MACROD2: variants seen among roughly 807,000 people sequenced by gnomAD.
MACROD2 encodes mono-ADP ribosylhydrolase 2.
In MACROD2, 36 loss-of-function variants were observed where a neutral mutation model predicts 70.4. The ratio of observed to expected loss-of-function variants is 0.51; its 90% CI spans 0.39 to 0.68. The LOEUF (loss-of-function observed/expected upper bound fraction) is 0.68, where lower values mean the gene tolerates loss of function less well. MACROD2 is among the 30% of genes least tolerant of loss of function. MACROD2 has a pLI of 0.00. For synonymous variants in MACROD2, 172 were observed against 178.8 expected, an observed-to-expected ratio of 0.96 and a Z score of 0.30; for missense variants, 496 against 538.4, an observed-to-expected ratio of 0.92 and a Z score of 0.78.
At chr20:14,820,543 A>G (rs2122206406) in intron 5 of MACROD2, among the ~76,000 whole-genome samples, 1 of 151,946 alleles carries the variant, frequency 6.6e-6, no homozygotes, top group Non-Finnish European at 1.5e-5. Context: ...CAATTTCATC[A>G]CCAGTGTAAT....
At chr20:14,777,700 A>C (rs370116996) in intron 5 of MACROD2, among the ~76,000 whole-genome samples, 1 of 152,098 alleles carries the variant, frequency 6.6e-6, no homozygotes, top group African/African-American at 2.4e-5. Flanking sequence ...CATGAAATTT[A>C]GTAATATGCT....
intron 2 of MACROD2, among the ~76,000 whole-genome samples, chr20:14,066,871 G>A (rs375328520): frequency 2.7e-5 from 4 of 148,372 alleles, no homozygotes; most frequent in African/African-American, 1.0e-4. Context: ...GAGAGCAGTG[G>A]CGCCGTCTTG....
At chr20:14,807,387 T>C (rs2072652721) in intron 5 of MACROD2, among the ~76,000 whole-genome samples, 1 of 151,886 alleles carries the variant, frequency 6.6e-6, no homozygotes, top group African/African-American at 2.4e-5. Flanking sequence ...CAGAAAGCAA[T>C]ATCATCAACA....
intron 13 of MACROD2, among the ~76,000 whole-genome samples, chr20:15,978,444 T>A (rs1312181086): frequency 6.6e-6 from 1 of 152,200 alleles, no homozygotes; most frequent in African/African-American, 2.4e-5. Context: ...CGAGATGATA[T>A]GTGGTAAAGT....
intron 3 of MACROD2, among the ~76,000 whole-genome samples, chr20:14,184,507 TG>T (rs981179984): frequency 9.2e-5 from 14 of 151,932 alleles, no homozygotes; most frequent in African/African-American, 2.7e-4. Flanking sequence ...GTAGGCTATT[TG>T]GTTTTTTTTT....
At chr20:14,127,492 C>T in intron 3 of MACROD2, 1 of 491,462 alleles carries the variant, frequency 2.0e-6, no homozygotes, top group Non-Finnish European at 3.7e-6. Flanking sequence ...TGGGTCAAAT[C>T]ATTGAATATC....
At chr20:14,199,258 ACGT>A (rs532200740) in intron 3 of MACROD2, among the ~76,000 whole-genome samples, 31 of 152,344 alleles carry the variant, frequency 2.0e-4, no homozygotes, top group East Asian at 1.7e-3. Context: ...TCTTTGTTGT[ACGT>A]CGGTGAGTGA....
intron 3 of MACROD2, among the ~76,000 whole-genome samples, chr20:14,151,745 T>C (rs1224882702): frequency 2.0e-5 from 3 of 151,994 alleles, no homozygotes; most frequent in African/African-American, 7.2e-5. Context: ...AAATTAACTA[T>C]TTTGAATAAT....
At chr20:14,447,387 G>T (rs2084194583) in intron 3 of MACROD2, among the ~76,000 whole-genome samples, 1 of 152,146 alleles carries the variant, frequency 6.6e-6, no homozygotes, top group Non-Finnish European at 1.5e-5. Flanking sequence ...CAAAAGTCAG[G>T]TTTTTCGAGA....
intron 7 of MACROD2, among the ~76,000 whole-genome samples, chr20:15,437,270 C>T (rs1185994081): frequency 6.6e-6 from 1 of 152,042 alleles, no homozygotes; most frequent in Non-Finnish European, 1.5e-5. Flanking sequence ...TTCTTGGTAC[C>T]CATTCATCAT....
chr20:15,180,157 C>T (rs968567999), intron 5 of MACROD2, among the ~76,000 whole-genome samples: 2 of 152,186 alleles, frequency 1.3e-5, no homozygotes. Context: ...TTTGAAGGCC[C>T]TATCTCCATA....
At chr20:14,525,603 C>T (rs556414923) in intron 4 of MACROD2, among the ~76,000 whole-genome samples, 1 of 152,306 alleles carries the variant, frequency 6.6e-6, no homozygotes, top group Non-Finnish European at 1.5e-5. Flanking sequence ...TTTACAATGC[C>T]ATGTGGCCAC....
chr20:16,038,787 A>C (rs2067269341), intron 15 of MACROD2, among the ~76,000 whole-genome samples: 2 of 151,978 alleles, frequency 1.3e-5, no homozygotes, highest in Non-Finnish European at 2.9e-5. Context: ...AATTCTGGAC[A>C]CTGTTTGAAA....
chr20:15,825,000 A>G (rs1016960552), intron 8 of MACROD2, among the ~76,000 whole-genome samples: 1 of 152,172 alleles, frequency 6.6e-6, no homozygotes, highest in African/African-American at 2.4e-5. Flanking sequence ...TATGAGTTGG[A>G]AGTGTGACTT....
chr20:14,611,887 A>G (rs1410334512), intron 4 of MACROD2, among the ~76,000 whole-genome samples: 1 of 152,164 alleles, frequency 6.6e-6, no homozygotes, highest in Non-Finnish European at 1.5e-5. Flanking sequence ...ACCTTTTAAA[A>G]TGTATGGTTT....
chr20:14,760,169 A>C (rs1600635328), intron 5 of MACROD2, among the ~76,000 whole-genome samples: 1 of 152,020 alleles, frequency 6.6e-6, no homozygotes, highest in Non-Finnish European at 1.5e-5. Context: ...AGATGAAGGG[A>C]TATGGATCAC....
intron 3 of MACROD2, among the ~76,000 whole-genome samples, chr20:14,405,385 C>A (rs2083681078): frequency 6.6e-6 from 1 of 152,072 alleles, no homozygotes; most frequent in Non-Finnish European, 1.5e-5. Flanking sequence ...GAATAATTTT[C>A]TTCTTTAGTG....
intron 5 of MACROD2, among the ~76,000 whole-genome samples, chr20:14,995,219 T>A (rs1252117112): frequency 6.6e-6 from 1 of 152,120 alleles, no homozygotes; most frequent in Admixed American, 6.6e-5. Context: ...CATTTTTGTG[T>A]TTTACCTATT....
At chr20:14,388,474 T>C (rs2083491329) in intron 3 of MACROD2, among the ~76,000 whole-genome samples, 1 of 152,256 alleles carries the variant, frequency 6.6e-6, no homozygotes, top group Non-Finnish European at 1.5e-5. Context: ...GCATTACTGA[T>C]ACTGTAAACA....
Sources: allele counts gnomAD v4.1 joint callset (sites outside exome capture counted in the v4.1 genomes callset), GRCh38; gene constraint gnomAD v4.1.1; transcripts MANE v1.5; gene names NCBI Gene and HGNC (gene_info 2026-07-23, HGNC 2026-07-21).